ROBO2: variants seen among roughly 807,000 people sequenced by gnomAD.
The protein encoded by ROBO2 is roundabout guidance receptor 2, also known as roundabout homolog 2.
In ROBO2, 53 loss-of-function variants were observed where a neutral mutation model predicts 160.8. The ratio of observed to expected loss-of-function variants is 0.33; its 90% CI spans 0.26 to 0.41. The LOEUF (loss-of-function observed/expected upper bound fraction) is 0.41, where lower values mean the gene tolerates loss of function less well. ROBO2 is among the 10% of genes least tolerant of loss of function. The pLI, the probability that ROBO2 is intolerant of heterozygous loss-of-function variation, is 1.00. For synonymous variants in ROBO2, 664 were observed against 611.7 expected, an observed-to-expected ratio of 1.09 and a Z score of -1.26; for missense variants, 1,577 against 1,722.4, an observed-to-expected ratio of 0.92 and a Z score of 1.49.
chr3:76,691,871 G>A (rs138909955), intron 2 of ROBO2, among the ~76,000 whole-genome samples: 1 of 152,220 alleles, frequency 6.6e-6, no homozygotes, highest in African/African-American at 2.4e-5. Context: ...TTCCAAACCC[G>A]AGGTGTACAA....
intron 2 of ROBO2, among the ~76,000 whole-genome samples, chr3:76,987,480 C>G (rs994731388): frequency 2.6e-5 from 4 of 152,172 alleles, no homozygotes; most frequent in Admixed American, 6.5e-5. Flanking sequence ...TTCACTTGGT[C>G]CTATTTCTCT....
chr3:77,041,702 G>T (rs1237190893), intron 1 of ROBO2, among the ~76,000 whole-genome samples: 1 of 152,044 alleles, frequency 6.6e-6, no homozygotes, highest in South Asian at 2.1e-4. Flanking sequence ...TTTTTGGTTT[G>T]TATTCAAAAG....
At chr3:76,192,423 C>T (rs1356082688) in intron 2 of ROBO2, among the ~76,000 whole-genome samples, 1 of 151,754 alleles carries the variant, frequency 6.6e-6, no homozygotes, top group Non-Finnish European at 1.5e-5. Flanking sequence ...AAAATAAAAT[C>T]TCCTTTCCTA....
chr3:76,970,928 C>T (rs1387534633), intron 2 of ROBO2, among the ~76,000 whole-genome samples: 4 of 152,072 alleles, frequency 2.6e-5, no homozygotes, highest in African/African-American at 9.7e-5. Flanking sequence ...ATGTTATTTT[C>T]ATCTTATGAG....
chr3:76,200,261 A>G (rs879444839), intron 2 of ROBO2, among the ~76,000 whole-genome samples: 12 of 152,278 alleles, frequency 7.9e-5, no homozygotes, highest in Non-Finnish European at 1.5e-4. Context: ...GGTGACCAAG[A>G]AAAAGTATGG....
chr3:76,604,810 C>T (rs2087512216), intron 2 of ROBO2, among the ~76,000 whole-genome samples: 1 of 152,124 alleles, frequency 6.6e-6, no homozygotes, highest in Non-Finnish European at 1.5e-5. Flanking sequence ...GAGATTTCAC[C>T]TGCTTGCTGA....
At chr3:76,140,501 T>C (rs2071592354) in intron 2 of ROBO2, among the ~76,000 whole-genome samples, 1 of 151,996 alleles carries the variant, frequency 6.6e-6, no homozygotes, top group African/African-American at 2.4e-5. Flanking sequence ...GTGAAATTGC[T>C]GAGGTTACAC....
At position 77,118,569 on chromosome 3, in the gene ROBO2, C is replaced by T. The variant is rs558944074; in HGVS notation, c.388+20229C>T. ...GATGCTCCCTACGTGCACTCTATTTCGCTTGATGCCCAAGTTTCCTTTTGA... is the reference window on the plus strand; with the variant it reads ...GATGCTCCCTACGTGCACTCTATTTTGCTTGATGCCCAAGTTTCCTTTTGA... On this transcript the variant is annotated intron_variant, in intron 2 of 25. Coordinates refer to ENST00000461745, the Ensembl canonical transcript of ROBO2. 2.7e-3 allele frequency among the ~76,000 whole-genome samples: 410 copies of T among 152,316 alleles called. 1 individual carries two copies. Among genetic ancestry groups the T allele is most frequent in the African/African-American group, 9.0e-3 (373 of 41,562 alleles).
intron 2 of ROBO2, among the ~76,000 whole-genome samples, chr3:76,036,566 G>A (rs533629953): frequency 2.0e-5 from 3 of 151,640 alleles, no homozygotes; most frequent in Admixed American, 6.6e-5. Flanking sequence ...GCTCAATGGC[G>A]TGATCTCGGC....
At chr3:77,591,352 T>C (rs1458308681) in intron 17 of ROBO2, among the ~76,000 whole-genome samples, 9 of 152,146 alleles carry the variant, frequency 5.9e-5, no homozygotes, top group Non-Finnish European at 8.8e-5. Context: ...CTACTAAAGA[T>C]AGGCACTCTG....
intron 2 of ROBO2, among the ~76,000 whole-genome samples, chr3:76,842,915 C>T (rs1301699259): frequency 6.6e-6 from 1 of 151,924 alleles, no homozygotes; most frequent in Non-Finnish European, 1.5e-5. Context: ...AGCAGAGGCT[C>T]ATGGCAGTTT....
At chr3:76,157,133 C>T (rs1204130684) in intron 2 of ROBO2, among the ~76,000 whole-genome samples, 1 of 152,178 alleles carries the variant, frequency 6.6e-6, no homozygotes, top group East Asian at 1.9e-4. Flanking sequence ...GCCAACTCCA[C>T]CCACTCTGTA....
chr3:77,180,416 C>CTCTCTCTATATATATATATATATATA (rs1433740534), intron 2 of ROBO2, among the ~76,000 whole-genome samples: 98 of 90,652 alleles, frequency 1.1e-3, no homozygotes, highest in Non-Finnish European at 1.8e-3. Context: ...CTCTCTCTCT[C>CTCTCTCTATATATATATATATATATA]TATATATATA....
chr3:76,198,591 T>G (rs564793438), intron 2 of ROBO2, among the ~76,000 whole-genome samples: 5 of 152,264 alleles, frequency 3.3e-5, no homozygotes, highest in African/African-American at 4.8e-5. Flanking sequence ...ACCAGGTCTT[T>G]TTCTGATCCT....
chr3:77,145,397 T>C (rs2077041260), intron 2 of ROBO2, among the ~76,000 whole-genome samples: 1 of 152,226 alleles, frequency 6.6e-6, no homozygotes, highest in African/African-American at 2.4e-5. Flanking sequence ...TGATTTCTTG[T>C]AGCTAACGTT....
At chr3:76,416,923 C>T (rs1043824432) in intron 2 of ROBO2, among the ~76,000 whole-genome samples, 1 of 152,122 alleles carries the variant, frequency 6.6e-6, no homozygotes, top group African/African-American at 2.4e-5. Flanking sequence ...TTTAAAAGAT[C>T]ACCACATTAT....
chr3:77,218,406 A>T (rs2085268457), intron 2 of ROBO2, among the ~76,000 whole-genome samples: 1 of 142,672 alleles, frequency 7.0e-6, no homozygotes, highest in South Asian at 2.2e-4. Context: ...ATGGAGTCTC[A>T]CTCTGTAACC....
chr3:76,062,346 A>G (rs1001453579), intron 2 of ROBO2, among the ~76,000 whole-genome samples: 76 of 141,386 alleles, frequency 5.4e-4, no homozygotes, highest in Admixed American at 1.3e-3. Flanking sequence ...TTTTTTTTTT[A>G]TCAGAAATCC....
chr3:76,995,023 AT>A (rs1468136399), intron 2 of ROBO2, among the ~76,000 whole-genome samples: 1 of 151,986 alleles, frequency 6.6e-6, no homozygotes, highest in African/African-American at 2.4e-5. Flanking sequence ...ATAGGTATAC[AT>A]GTCCCATGCT....
Sources: gnomAD v4.1 joint callset for allele counts (sites outside exome capture counted in the v4.1 genomes callset) on GRCh38, gnomAD v4.1.1 for gene constraint, MANE v1.5 for transcripts, NCBI Gene and HGNC (gene_info 2026-07-23, HGNC 2026-07-21) for gene names.